Variants in MSRB3 observed in about 807,000 individuals in gnomAD.
The protein encoded by MSRB3 is methionine-R-sulfoxide reductase B3.
MSRB3 carries 13 observed loss-of-function variants against 21.0 expected under a neutral mutation model. The observed-to-expected ratio is 0.62, with a 90% CI of 0.40 to 0.98. The LOEUF (loss-of-function observed/expected upper bound fraction) is 0.98, where lower values mean the gene tolerates loss of function less well. Ranked by LOEUF, MSRB3 falls within the 50% of genes least tolerant of loss-of-function variation. MSRB3 has a pLI of 0.00. For synonymous variants in MSRB3, 87 were observed against 88.6 expected (o/e 0.98, Z 0.10); for missense variants, 199 against 230.3 (o/e 0.86, Z 0.88).
chr12:65,363,905 G>A (rs1366369116), intron 4 of MSRB3, among the ~76,000 whole-genome samples: 4 of 152,156 alleles, frequency 2.6e-5, no homozygotes, highest in Non-Finnish European at 5.9e-5. Context: ...AGAATTGCTT[G>A]AACCCGGGAG....
Position 65,339,509 on chromosome 12 carries a change from G to A in MSRB3, c.263+10906G>A, listed in dbSNP as rs375970921. ...TGTGGGCTATTTCAAGTACAGATAT[G>A]ACATCACTAAATGTGGGGTTGGGAA... On this transcript the variant is annotated intron_variant, in intron 4 of 6. Transcript: ENST00000308259. Among the ~76,000 whole-genome samples, 9 of 152,314 alleles carry A rather than the reference G, an allele frequency of 5.9e-5. No individual in the cohort carries two copies. The East Asian group carries it at 1.7e-3, about 29-fold the overall frequency.
chr12:65,388,140 A>T (rs375955113), intron 5 of MSRB3, among the ~76,000 whole-genome samples: 270 of 151,694 alleles, frequency 1.8e-3, no homozygotes, highest in African/African-American at 4.7e-3. Flanking sequence ...TAACAAGTTT[A>T]AAAAAAAATG....
chr12:65,446,657 A>G (rs574319307), intron 5 of MSRB3, among the ~76,000 whole-genome samples: 1 of 152,348 alleles, frequency 6.6e-6, no homozygotes, highest in African/African-American at 2.4e-5. Context: ...GAGTAAAAGT[A>G]GAAGAAATCC....
chr12:65,434,432 A>G (rs1324389199), intron 5 of MSRB3, among the ~76,000 whole-genome samples: 2 of 151,990 alleles, frequency 1.3e-5, no homozygotes, highest in South Asian at 4.1e-4. Context: ...TGGTAAGACA[A>G]CAGACAATAA....
At chr12:65,301,333 T>A (rs1873318884) in intron 1 of MSRB3, among the ~76,000 whole-genome samples, 1 of 152,178 alleles carries the variant, frequency 6.6e-6, no homozygotes, top group African/African-American at 2.4e-5. Flanking sequence ...GCATTAGAGC[T>A]TGGATCAAAG....
chr12:65,430,677 C>T (rs998708261), intron 5 of MSRB3, among the ~76,000 whole-genome samples: 2 of 152,066 alleles, frequency 1.3e-5, no homozygotes, highest in Non-Finnish European at 2.9e-5. Context: ...TTTCTTATTA[C>T]GTTGGCATCT....
intron 1 of MSRB3, among the ~76,000 whole-genome samples, chr12:65,294,016 G>C (rs761066071): frequency 2.6e-5 from 4 of 152,202 alleles, no homozygotes; most frequent in South Asian, 2.1e-4. Flanking sequence ...TAAGGAGATA[G>C]TGTTCTGGGG....
chr12:65,434,203 A>G (rs915042819), intron 5 of MSRB3, among the ~76,000 whole-genome samples: 3 of 151,746 alleles, frequency 2.0e-5, no homozygotes, highest in Admixed American at 6.6e-5. Flanking sequence ...CTATGTCTAC[A>G]TTTCATTTCA....
chr12:65,377,829 T>C (rs959484611), intron 5 of MSRB3, among the ~76,000 whole-genome samples: 7 of 152,236 alleles, frequency 4.6e-5, no homozygotes, highest in African/African-American at 1.7e-4. Flanking sequence ...TGCAGTAGAA[T>C]GTATGTCATT....
intron 5 of MSRB3, among the ~76,000 whole-genome samples, chr12:65,383,632 A>G (rs1879055559): frequency 1.3e-5 from 2 of 151,682 alleles, no homozygotes; most frequent in South Asian, 4.2e-4. Context: ...AATCACATAA[A>G]TGAACAAAGA....
chr12:65,440,676 T>C (rs773845060), intron 5 of MSRB3, among the ~76,000 whole-genome samples: 4 of 151,944 alleles, frequency 2.6e-5, no homozygotes, highest in Admixed American at 6.6e-5. Context: ...AGAGATTTCA[T>C]AGGTGCCCAC....
intron 2 of MSRB3, among the ~76,000 whole-genome samples, chr12:65,309,421 A>G (rs764155923): frequency 6.6e-6 from 1 of 152,232 alleles, no homozygotes; most frequent in Non-Finnish European, 1.5e-5. Context: ...ATTTAATTCC[A>G]ACTCATTAGA....
chr12:65,322,104 C>T (rs73119427), intron 2 of MSRB3, among the ~76,000 whole-genome samples: 3,874 of 152,190 alleles, frequency 0.025, 67 homozygotes, highest in Non-Finnish European at 0.043. Flanking sequence ...TAATTTACTT[C>T]TTAATAGGAA....
At chr12:65,345,836 G>GT (rs1423909324) in intron 4 of MSRB3, among the ~76,000 whole-genome samples, 1 of 151,920 alleles carries the variant, frequency 6.6e-6, no homozygotes, top group Non-Finnish European at 1.5e-5. Context: ...GTGGTGTTTG[G>GT]TTTTTTTGTC....
intron 5 of MSRB3, among the ~76,000 whole-genome samples, chr12:65,442,316 A>G (rs1038037235): frequency 2.0e-5 from 3 of 152,030 alleles, no homozygotes; most frequent in Non-Finnish European, 4.4e-5. Flanking sequence ...TATGAGAGGA[A>G]TTACTCTGAC....
chr12:65,383,060 G>A (rs17765551), intron 5 of MSRB3, among the ~76,000 whole-genome samples: 27,320 of 151,958 alleles, frequency 0.18, 2,948 homozygotes, highest in Admixed American at 0.25. Context: ...AAATATGGAA[G>A]CAACTTCATA....
chr12:65,386,654 C>A (rs185409067), intron 5 of MSRB3, among the ~76,000 whole-genome samples: 6 of 151,962 alleles, frequency 3.9e-5, no homozygotes, highest in Admixed American at 3.9e-4. Flanking sequence ...TGCATCTTTT[C>A]ATGTTGTAGC....
At chr12:65,412,772 G>C (rs918133493) in intron 5 of MSRB3, among the ~76,000 whole-genome samples, 3 of 152,278 alleles carry the variant, frequency 2.0e-5, no homozygotes, top group African/African-American at 7.2e-5. Context: ...AATTTATAAA[G>C]GAAAGAGGTT....
chr12:65,430,900 G>T (rs1881845387), intron 5 of MSRB3, among the ~76,000 whole-genome samples: 1 of 151,938 alleles, frequency 6.6e-6, no homozygotes, highest in Non-Finnish European at 1.5e-5. Context: ...AGGCAAGTCT[G>T]GTGCCCTTAA....
Sources: allele counts gnomAD v4.1 joint callset (sites outside exome capture counted in the v4.1 genomes callset), GRCh38; gene constraint gnomAD v4.1.1; transcripts MANE v1.5; gene names NCBI Gene and HGNC (gene_info 2026-07-23, HGNC 2026-07-21).